The following SV2C variants were observed in gnomAD, a reference collection of about 807,000 sequenced individuals.
SV2C encodes synaptic vesicle glycoprotein 2C.
Under a neutral mutation model 79.7 loss-of-function variants are expected in SV2C, and 49 were observed. The ratio of observed to expected loss-of-function variants is 0.61; its 90% confidence interval spans 0.49 to 0.78. The LOEUF (loss-of-function observed/expected upper bound fraction) is 0.78. Among genes scored for constraint, SV2C ranks in the 30% least tolerant of loss-of-function variants. SV2C has a pLI of 0.00. For missense variants in SV2C, 833 were observed against 912.9 expected, an observed-to-expected ratio of 0.91 and a Z score of 1.13; for synonymous variants, 334 against 333.2, an observed-to-expected ratio of 1.00 and a Z score of -0.03.
At chr5:76,232,037 A>G (rs1745437958) in intron 4 of SV2C, among the ~76,000 whole-genome samples, 1 of 147,234 alleles carries the variant, frequency 6.8e-6, no homozygotes, top group Non-Finnish European at 1.5e-5. Flanking sequence ...TGGTTGAACT[A>G]GTTTACAGTC....
At chr5:75,997,062 C>A in the SV2C span, among the ~76,000 whole-genome samples, 1 of 150,140 alleles carries the variant, frequency 6.7e-6, no homozygotes, top group Non-Finnish European at 1.5e-5. Context: ...TGTCTTGTGC[C>A]AGTTTTCAAA....
intron 1 of SV2C, among the ~76,000 whole-genome samples, chr5:76,124,675 T>A (rs912394964): frequency 6.6e-5 from 10 of 152,238 alleles, no homozygotes; most frequent in Non-Finnish European, 1.2e-4. Flanking sequence ...TTTATGTTTT[T>A]AGGAACTGCC....
At chr5:75,933,453 CTGAA>C in the SV2C span, among the ~76,000 whole-genome samples, 1 of 152,166 alleles carries the variant, frequency 6.6e-6, no homozygotes, top group Admixed American at 6.5e-5. Flanking sequence ...TAAATACTGA[CTGAA>C]TGAATGAAAG....
At chr5:75,897,242 G>C in the SV2C span, among the ~76,000 whole-genome samples, 1 of 150,968 alleles carries the variant, frequency 6.6e-6, no homozygotes, top group Non-Finnish European at 1.5e-5. Context: ...AATTAATTTT[G>C]TATAAGGTGT....
chr5:75,853,425 G>A, the SV2C span, among the ~76,000 whole-genome samples: 3 of 150,862 alleles, frequency 2.0e-5, no homozygotes, highest in East Asian at 2.0e-4. Flanking sequence ...GCGTGGTGGC[G>A]GGCGCCTGTA....
At chr5:75,878,061 T>A in the SV2C span, among the ~76,000 whole-genome samples, 1 of 151,972 alleles carries the variant, frequency 6.6e-6, no homozygotes, top group South Asian at 2.1e-4. Context: ...TTAAAAAGGG[T>A]GAATTGTATG....
At chr5:75,848,405 C>T in the SV2C span, among the ~76,000 whole-genome samples, 3 of 152,164 alleles carry the variant, frequency 2.0e-5, no homozygotes, top group African/African-American at 7.2e-5. Context: ...ACAGTGCTCC[C>T]AAAGGCTTCC....
At chr5:75,968,306 A>C in the SV2C span, among the ~76,000 whole-genome samples, 1 of 152,232 alleles carries the variant, frequency 6.6e-6, no homozygotes, top group Non-Finnish European at 1.5e-5. Flanking sequence ...CTCACCAGCA[A>C]CTGAACAAAG....
chr5:76,280,916 G>C (rs1008225087), intron 4 of SV2C: 10 of 521,946 alleles, frequency 1.9e-5, no homozygotes, highest in Non-Finnish European at 3.1e-5. Flanking sequence ...CTGTGTTCCT[G>C]GTGCTGAGAG....
At chr5:76,283,082 A>G (rs189814526) in intron 4 of SV2C, among the ~76,000 whole-genome samples, 2 of 152,130 alleles carry the variant, frequency 1.3e-5, no homozygotes, top group African/African-American at 4.8e-5. Context: ...TGGAAGGCTG[A>G]GGTGGGCAGA....
intron 4 of SV2C, chr5:76,280,978 A>G (rs555038651): frequency 7.4e-6 from 4 of 538,304 alleles, no homozygotes; most frequent in African/African-American, 5.8e-5. Context: ...GATGCGGCCC[A>G]ACAGGAAGCA....
the SV2C span, among the ~76,000 whole-genome samples, chr5:76,032,196 T>A: frequency 6.6e-6 from 1 of 152,168 alleles, no homozygotes; most frequent in African/African-American, 2.4e-5. Flanking sequence ...AATAATATGA[T>A]TTCTCTAGGG....
chr5:75,926,706 G>A, the SV2C span, among the ~76,000 whole-genome samples: 4 of 152,168 alleles, frequency 2.6e-5, no homozygotes, highest in African/African-American at 9.7e-5. Context: ...GCCAGACTGT[G>A]CATATGATCT....
At chr5:76,190,204 A>G (rs767890041) in intron 2 of SV2C, among the ~76,000 whole-genome samples, 9 of 152,238 alleles carry the variant, frequency 5.9e-5, no homozygotes, top group African/African-American at 2.2e-4. Context: ...GTTAAAGCAT[A>G]GTCAGGACCA....
At chr5:76,034,333 C>G in the SV2C span, among the ~76,000 whole-genome samples, 1 of 152,296 alleles carries the variant, frequency 6.6e-6, no homozygotes, top group South Asian at 2.1e-4. Flanking sequence ...TGCCAGTTTT[C>G]AAAGGGAATG....
the SV2C span, among the ~76,000 whole-genome samples, chr5:76,052,765 T>C: frequency 3.9e-5 from 6 of 152,328 alleles, no homozygotes; most frequent in South Asian, 1.2e-3. Context: ...TGAAATCTAC[T>C]TTCTTTCAAC....
chr5:76,288,437 A>G (rs1747425006), intron 6 of SV2C, among the ~76,000 whole-genome samples: 1 of 152,224 alleles, frequency 6.6e-6, no homozygotes, highest in Non-Finnish European at 1.5e-5. Context: ...GAAGCTTTTG[A>G]GGACTCTCTT....
At chr5:76,161,692 G>C (rs370417493) in intron 2 of SV2C, among the ~76,000 whole-genome samples, 4 of 152,098 alleles carry the variant, frequency 2.6e-5, no homozygotes, top group Non-Finnish European at 4.4e-5. Flanking sequence ...TGTTTTAGCA[G>C]TTGCATATAT....
At chr5:75,967,825 G>C in the SV2C span, among the ~76,000 whole-genome samples, 1 of 152,178 alleles carries the variant, frequency 6.6e-6, no homozygotes, top group African/African-American at 2.4e-5. Context: ...AGAGAGTAGT[G>C]GTTCTCCCAG....
Sources: allele counts gnomAD v4.1 joint callset (sites outside exome capture counted in the v4.1 genomes callset), GRCh38; gene constraint gnomAD v4.1.1; transcripts MANE v1.5; gene names NCBI Gene and HGNC (gene_info 2026-07-23, HGNC 2026-07-21).